Variants in PPP1R1C observed in about 807,000 individuals in gnomAD.
PPP1R1C encodes the protein protein phosphatase 1 regulatory inhibitor subunit 1C.
A neutral mutation model predicts 17.4 loss-of-function variants in PPP1R1C; 15 were observed. The ratio of observed to expected loss-of-function variants is 0.86; its 90% CI spans 0.58 to 1.33. The LOEUF is 1.33. Among genes scored for constraint, PPP1R1C ranks in the 40% most tolerant of loss-of-function variants. The pLI is 0.00. For synonymous variants in PPP1R1C, 35 were observed against 43.1 expected (o/e 0.81, Z 0.73); for missense variants, 143 against 130.0 (o/e 1.10, Z -0.48).
At chr2:182,103,348 A>T (rs1247512836) in intron 4 of PPP1R1C, among the ~76,000 whole-genome samples, 1 of 152,244 alleles carries the variant, frequency 6.6e-6, no homozygotes, top group Non-Finnish European at 1.5e-5. Flanking sequence ...GCTAGTCCTT[A>T]TAAAAGTTGA....
chr2:182,071,481 T>C (rs961451937), intron 4 of PPP1R1C, among the ~76,000 whole-genome samples: 28 of 152,212 alleles, frequency 1.8e-4, no homozygotes, highest in African/African-American at 6.3e-4. Flanking sequence ...ATTTTGACCT[T>C]GATCACCTGG....
At chr2:182,101,347 G>A (rs920576951) in intron 4 of PPP1R1C, among the ~76,000 whole-genome samples, 1 of 152,126 alleles carries the variant, frequency 6.6e-6, no homozygotes, top group Non-Finnish European at 1.5e-5. Context: ...TCCTTAATAT[G>A]CCTAAATTAT....
chr2:182,025,969 G>C (rs1488580418), intron 2 of PPP1R1C, among the ~76,000 whole-genome samples: 1 of 143,032 alleles, frequency 7.0e-6, no homozygotes, highest in African/African-American at 2.7e-5. Flanking sequence ...GTGATGATGA[G>C]CATTTTTTCA....
At chr2:182,125,029 T>C (rs1179257086) in intron 5 of PPP1R1C, among the ~76,000 whole-genome samples, 1 of 152,214 alleles carries the variant, frequency 6.6e-6, no homozygotes, top group African/African-American at 2.4e-5. Context: ...ATATTGGCTG[T>C]GGATTTCTCA....
chr2:182,056,830 T>G (rs563502729), intron 2 of PPP1R1C, among the ~76,000 whole-genome samples: 1 of 152,310 alleles, frequency 6.6e-6, no homozygotes, highest in African/African-American at 2.4e-5. Context: ...CTTCTCAATC[T>G]CTAGAAACCA....
intron 4 of PPP1R1C, 29 bp downstream of exon 4, chr2:182,063,820 C>T (rs1324015673): frequency 1.9e-6 from 3 of 1,580,308 alleles, no homozygotes; most frequent in Non-Finnish European, 2.6e-6. Context: ...TTCGGGTTGT[C>T]ATGAGTGGTG....
chr2:181,968,590 G>C (rs547881207), intron 1 of PPP1R1C, among the ~76,000 whole-genome samples: 1 of 152,232 alleles, frequency 6.6e-6, no homozygotes, highest in South Asian at 2.1e-4. Flanking sequence ...TATTTTTATA[G>C]GTGGAGTGTG....
intron 2 of PPP1R1C, among the ~76,000 whole-genome samples, chr2:182,030,580 C>G (rs1686791178): frequency 6.7e-6 from 1 of 150,284 alleles, no homozygotes. Context: ...TCTCAGATCT[C>G]CAGCTGCATG....
intron 2 of PPP1R1C, among the ~76,000 whole-genome samples, chr2:181,998,243 A>C (rs1685668629): frequency 2.0e-5 from 3 of 152,152 alleles, no homozygotes; most frequent in Non-Finnish European, 4.4e-5. Flanking sequence ...ATCAAGTGAG[A>C]TCATGCATGC....
intron 2 of PPP1R1C, among the ~76,000 whole-genome samples, chr2:182,039,484 A>G (rs1222887691): frequency 6.6e-6 from 1 of 152,126 alleles, no homozygotes; most frequent in Non-Finnish European, 1.5e-5. Flanking sequence ...TCCCCGACTC[A>G]GGTAATTCTC....
At chr2:182,123,020 C>A (rs777645318) in intron 5 of PPP1R1C, among the ~76,000 whole-genome samples, 2 of 152,168 alleles carry the variant, frequency 1.3e-5, no homozygotes, top group Non-Finnish European at 2.9e-5. Context: ...CCCGCCTTGA[C>A]AGGCCCCTGT....
chr2:182,111,753 T>C (rs909925675), intron 4 of PPP1R1C, among the ~76,000 whole-genome samples: 3 of 151,588 alleles, frequency 2.0e-5, no homozygotes, highest in Non-Finnish European at 4.4e-5. Context: ...TAACTATACA[T>C]ACAATTATAT....
Position 182,094,341 on chromosome 2 carries a change from A to G in PPP1R1C, c.242-22866A>G, listed in dbSNP as rs1688869086. On this transcript the variant is annotated intron_variant, in intron 4 of 4. Coordinates refer to ENST00000682840, the MANE Select transcript of PPP1R1C (RefSeq NM_001080545.3). Reference sequence around the variant, plus strand: ...CCACAACACGTGGGAATTACGGGAGATACAAGATGAGATTTGGGTGGGAAC... The same window carrying G: ...CCACAACACGTGGGAATTACGGGAGGTACAAGATGAGATTTGGGTGGGAAC... Among the ~76,000 whole-genome samples the G allele has an allele frequency of 2.0e-5, 3 of 152,196 alleles. No individual in the cohort carries two copies. In the East Asian group the frequency reaches 5.8e-4, roughly 29 times the overall value.
chr2:182,115,772 C>T (rs920633642), intron 4 of PPP1R1C, among the ~76,000 whole-genome samples: 34 of 151,656 alleles, frequency 2.2e-4, no homozygotes, highest in African/African-American at 8.1e-4. Context: ...AGTCCAAGGA[C>T]GTCACTGTTT....
intron 4 of PPP1R1C, among the ~76,000 whole-genome samples, chr2:182,097,489 T>G (rs1015681293): frequency 2.0e-5 from 3 of 152,164 alleles, no homozygotes; most frequent in African/African-American, 7.2e-5. Context: ...TACACACCAG[T>G]TCTAAGTGAA....
intron 2 of PPP1R1C, among the ~76,000 whole-genome samples, chr2:182,056,969 T>A (rs1260308179): frequency 6.6e-6 from 1 of 152,194 alleles, no homozygotes; most frequent in South Asian, 2.1e-4. Flanking sequence ...ATGGAAGTAA[T>A]GGATTCTGCC....
At chr2:182,018,105 CA>C (rs1464544366) in intron 2 of PPP1R1C, among the ~76,000 whole-genome samples, 2 of 150,834 alleles carry the variant, frequency 1.3e-5, no homozygotes, top group Non-Finnish European at 3.0e-5. Context: ...ATATTTAAAG[CA>C]AAAAATGGAC....
chr2:182,058,919 C>A (rs928668275), intron 2 of PPP1R1C, among the ~76,000 whole-genome samples: 9 of 152,046 alleles, frequency 5.9e-5, no homozygotes, highest in Non-Finnish European at 1.3e-4. Flanking sequence ...TCTTACACTT[C>A]ATTTTTGTAG....
chr2:182,129,758 G>C (rs2125244734), exon 6 of PPP1R1C: 1 of 152,144 alleles, frequency 6.6e-6, no homozygotes, highest in East Asian at 1.9e-4. Flanking sequence ...ATAGATTTTA[G>C]AATAAAAAAG....
Sources: allele counts gnomAD v4.1 joint callset (sites outside exome capture counted in the v4.1 genomes callset), GRCh38; gene constraint gnomAD v4.1.1; transcripts MANE v1.5; gene names NCBI Gene and HGNC (gene_info 2026-07-23, HGNC 2026-07-21).